MAP7: variants seen among roughly 807,000 people sequenced by gnomAD.
The protein encoded by MAP7 is ensconsin.
In MAP7, 52 loss-of-function variants were observed where a neutral mutation model predicts 94.8. The observed-to-expected ratio is 0.55, with a 90% confidence interval of 0.44 to 0.69. The LOEUF is 0.69. Ranked by LOEUF, MAP7 falls within the 30% of genes least tolerant of loss-of-function variation. The pLI is 0.00. For synonymous variants in MAP7, 350 were observed against 357.0 expected (o/e 0.98, Z 0.22); for missense variants, 940 against 964.6 (o/e 0.97, Z 0.34).
intron 1 of MAP7, among the ~76,000 whole-genome samples, chr6:136,428,854 A>G (rs1039492563): frequency 1.3e-5 from 2 of 152,174 alleles, no homozygotes; most frequent in Non-Finnish European, 2.9e-5. Context: ...CTTCAGCCTT[A>G]TAATCTCCAG....
intron 7 of MAP7, among the ~76,000 whole-genome samples, chr6:136,377,340 T>C (rs1176068575): frequency 2.0e-5 from 3 of 152,246 alleles, no homozygotes; most frequent in Non-Finnish European, 4.4e-5. Context: ...AGCCACATTA[T>C]GAAACTATAT....
Position 136,550,251 on chromosome 6 carries a change from G to T in MAP7, c.67+91C>A. On this transcript the variant is annotated intron_variant, in intron 1 of 17. Transcript: ENST00000354570. This position sits in a 1 kb window ranked among gnomAD's most constrained non-coding sequence, Gnocchi z 5.1. ...CGGCCGCGCGGGCGGGGAGGGGGCT[G>T]CCGGCGCCGGGTGATTTCGGTGCCA... 8.5e-7 allele frequency: 1 copy of T among 1,175,902 alleles called. No homozygotes were observed. Among genetic ancestry groups the T allele is most frequent in the Non-Finnish European group, 1.1e-6 (1 of 914,578 alleles). The allele number at this position is 1,175,902 out of a possible 1,614,324, so 72.8% of individuals were successfully genotyped here.
chr6:136,491,875 T>A (rs1181826242), intron 1 of MAP7, among the ~76,000 whole-genome samples: 1 of 152,220 alleles, frequency 6.6e-6, no homozygotes. Flanking sequence ...ATGTTATAAA[T>A]GCATTAAGTC....
At chr6:136,353,815 A>T (rs1278647272) in intron 16 of MAP7, among the ~76,000 whole-genome samples, 5 of 152,102 alleles carry the variant, frequency 3.3e-5, no homozygotes, top group Non-Finnish European at 5.9e-5. Context: ...GGCCTCCCAG[A>T]GTGCTGGGAT....
chr6:136,399,937 G>A (rs1253031281), intron 3 of MAP7, among the ~76,000 whole-genome samples: 1 of 152,064 alleles, frequency 6.6e-6, no homozygotes, highest in Non-Finnish European at 1.5e-5. Flanking sequence ...ATACTAATTA[G>A]TTTCATTTAA....
intron 16 of MAP7, among the ~76,000 whole-genome samples, chr6:136,353,037 G>C (rs1023262348): frequency 6.6e-6 from 1 of 152,178 alleles, no homozygotes. Context: ...ATATAATGGG[G>C]ACCAAACTTA....
intron 1 of MAP7, chr6:136,526,265 GTA>G: frequency 9.1e-7 from 1 of 1,102,656 alleles, no homozygotes; most frequent in African/African-American, 2.0e-5. Flanking sequence ...ATGCATGCAC[GTA>G]CACGCGCGCG....
Position 136,411,626 on chromosome 6 carries a change from G to C in MAP7, c.238C>G (p.Gln80Glu), listed in dbSNP as rs745945936. The part of the protein sequence containing the change: ...ARERREEREK[Q>E]LAAREIVWLE... ...GACACGGGGCCTGGGGTACCTAGCTGTTTCTCCCGTTCCTCACGTCGCTCC... is the reference window on the plus strand; with the variant it reads ...GACACGGGGCCTGGGGTACCTAGCTCTTTCTCCCGTTCCTCACGTCGCTCC... The change falls in exon 3 of 18, where the codon CAG becomes GAG. Residue 80 changes from glutamine (Q) to glutamate (E), a missense_variant. Coordinates refer to ENST00000354570, the MANE Select transcript of MAP7 (RefSeq NM_003980.6). 14 of 1,559,448 alleles carry C rather than the reference G, an allele frequency of 9.0e-6. No homozygotes were observed. Among genetic ancestry groups the C allele is most frequent in the Non-Finnish European group, 1.2e-5 (14 of 1,150,732 alleles).
intron 1 of MAP7, among the ~76,000 whole-genome samples, chr6:136,445,265 G>C (rs991977461): frequency 1.3e-5 from 2 of 152,090 alleles, no homozygotes; most frequent in South Asian, 2.1e-4. Flanking sequence ...CTTATCACCA[G>C]AGATTGGAAA....
chr6:136,447,195 T>TA (rs1391587740), intron 1 of MAP7, among the ~76,000 whole-genome samples: 4 of 152,266 alleles, frequency 2.6e-5, no homozygotes, highest in African/African-American at 9.6e-5. Context: ...CTTGCCTATA[T>TA]ACTGCTGAGG....
chr6:136,410,262 G>A (rs1448961880), intron 3 of MAP7, among the ~76,000 whole-genome samples: 1 of 152,172 alleles, frequency 6.6e-6, no homozygotes, highest in Non-Finnish European at 1.5e-5. Context: ...GACCTGATGG[G>A]GAAGAGGGGG....
chr6:136,466,780 C>T (rs903938735), intron 1 of MAP7: 36 of 1,535,032 alleles, frequency 2.3e-5, no homozygotes, highest in Non-Finnish European at 3.1e-5. Context: ...TAGTGTCTTC[C>T]ATGCTAAAAT....
At chr6:136,505,273 GTGTGTATATATATATATATATATATATA>G (rs889649676) in intron 1 of MAP7, among the ~76,000 whole-genome samples, 2 of 69,844 alleles carry the variant, frequency 2.9e-5, no homozygotes, top group African/African-American at 5.5e-5. Context: ...GTGTGTGTGT[GTGTGTATATATATATATATATATATATA>G]TATATATATA....
chr6:136,548,097 A>ACC (rs1250343885), intron 1 of MAP7, among the ~76,000 whole-genome samples: 6 of 44,884 alleles, frequency 1.3e-4, no homozygotes, highest in African/African-American at 4.2e-4. Flanking sequence ...CACCACCACC[A>ACC]CCCCCCCCCA....
chr6:136,372,816 G>A (rs1393090740), intron 7 of MAP7, among the ~76,000 whole-genome samples, 191 bp from the exon 8 acceptor site: 1 of 152,136 alleles, frequency 6.6e-6, no homozygotes, highest in African/African-American at 2.4e-5. Flanking sequence ...TGTCCTTACA[G>A]TCCTATGAAT....
At position 136,482,347 on chromosome 6, in the gene MAP7, C is replaced by T. The variant is rs555717986; in HGVS notation, c.68-60548G>A. ...GGTGTGGTGGCTCACGCCTGTAATC[C>T]CAGCACTTTGGGAGGCCAAGGAGGG... On this transcript the variant is annotated intron_variant, in intron 1 of 17. Coordinates refer to ENST00000354570, the MANE Select transcript of MAP7 (RefSeq NM_003980.6). 5.9e-5 allele frequency among the ~76,000 whole-genome samples: 9 copies of T among 152,250 alleles called. No individual in the cohort carries two copies. In the East Asian group the frequency reaches 9.6e-4, roughly 16 times the overall value.
rs772916311 is a variant in MAP7, at chr6:136,361,057, G to A, written c.1649C>T (p.Ala550Val). 13 of 1,591,310 alleles carry A rather than the reference G, an allele frequency of 8.2e-6. No homozygotes were observed. The East Asian group carries it at 9.0e-5, about 11-fold the overall frequency. ...CCGCTCGCGCAGCGCCCGCTCCTCC[G>A]CCTGCCGCTGCAGCTGCTCCTCCTT... is the stretch of plus-strand genomic sequence containing the variant. ...REKEEQLQRQ[A>V]EERALREREE... The change falls in exon 12 of 18, where the codon GCG (alanine) becomes GTG (valine). Residue 550 changes from alanine (A) to valine (V), a missense_variant. By Grantham distance (64) the Ala-to-Val change is moderately conservative. Coordinates refer to ENST00000354570, the MANE Select transcript of MAP7 (RefSeq NM_003980.6).
At chr6:136,538,554 G>A (rs891970343) in intron 1 of MAP7, among the ~76,000 whole-genome samples, 13 of 152,162 alleles carry the variant, frequency 8.5e-5, no homozygotes, top group African/African-American at 2.9e-4. Flanking sequence ...GGGAGGCCGA[G>A]GCAGGAGGAT....
chr6:136,468,162 G>A (rs780678030), intron 1 of MAP7, among the ~76,000 whole-genome samples: 12 of 152,044 alleles, frequency 7.9e-5, no homozygotes, highest in Admixed American at 3.3e-4. Flanking sequence ...AACACCTTGC[G>A]TGCATGGCTC....
Sources: allele counts gnomAD v4.1 joint callset (sites outside exome capture counted in the v4.1 genomes callset), GRCh38; gene constraint gnomAD v4.1.1; non-coding constraint Gnocchi (gnomAD v3.1); transcripts MANE v1.5; gene names NCBI Gene and HGNC (gene_info 2026-07-23, HGNC 2026-07-21).